Variants in CLSTN2 observed in about 807,000 individuals in gnomAD.
CLSTN2 encodes calsyntenin 2.
Under a neutral mutation model 101.2 loss-of-function variants are expected in CLSTN2, and 48 were observed. The ratio of observed to expected loss-of-function variants is 0.47; its 90% CI spans 0.38 to 0.60. The LOEUF (loss-of-function observed/expected upper bound fraction) is 0.60. Ranked by LOEUF, CLSTN2 falls within the 20% of genes least tolerant of loss-of-function variation. The pLI is 0.00. For synonymous variants in CLSTN2, 481 were observed against 463.6 expected, an observed-to-expected ratio of 1.04 and a Z score of -0.48; for missense variants, 1,160 against 1,238.2, an observed-to-expected ratio of 0.94 and a Z score of 0.95.
intron 2 of CLSTN2, among the ~76,000 whole-genome samples, chr3:140,298,218 C>T (rs1204258247): frequency 6.6e-6 from 1 of 152,136 alleles, no homozygotes; most frequent in Non-Finnish European, 1.5e-5. Context: ...TGATTTTGGC[C>T]AAATCACTTA....
At chr3:140,478,555 A>T (rs1934038402) in intron 8 of CLSTN2, among the ~76,000 whole-genome samples, 1 of 152,230 alleles carries the variant, frequency 6.6e-6, no homozygotes, top group Non-Finnish European at 1.5e-5. Context: ...GACAGAAAGC[A>T]GATTAGTGGT....
At chr3:140,554,924 A>C (rs894274707) in intron 10 of CLSTN2, among the ~76,000 whole-genome samples, 1 of 152,244 alleles carries the variant, frequency 6.6e-6, no homozygotes, top group African/African-American at 2.4e-5. Flanking sequence ...AAAAAAATGG[A>C]AATCTATATT....
intron 2 of CLSTN2, among the ~76,000 whole-genome samples, chr3:140,281,343 T>A (rs1281258172): frequency 1.3e-5 from 2 of 152,186 alleles, no homozygotes; most frequent in Non-Finnish European, 2.9e-5. Context: ...CTCATGGACT[T>A]TGAGGCTCTT....
intron 5 of CLSTN2, among the ~76,000 whole-genome samples, chr3:140,444,465 T>A (rs7611867): frequency 0.34 from 51,143 of 151,230 alleles, 10,471 homozygotes; most frequent in Middle Eastern, 0.48. Context: ...CTTGGGCAAG[T>A]CACACCAATT....
intron 1 of CLSTN2, among the ~76,000 whole-genome samples, chr3:139,949,761 G>A (rs537064743): frequency 1.3e-5 from 2 of 152,304 alleles, no homozygotes; most frequent in African/African-American, 2.4e-5. Context: ...TGAGAATTTG[G>A]TTGTAACCAT....
intron 2 of CLSTN2, among the ~76,000 whole-genome samples, chr3:140,231,024 A>G (rs192394136): frequency 1.2e-3 from 190 of 152,328 alleles, no homozygotes; most frequent in African/African-American, 4.4e-3. Flanking sequence ...GAAAATAATT[A>G]TCTGATTATA....
chr3:140,458,465 G>A (rs1933471788), intron 6 of CLSTN2, among the ~76,000 whole-genome samples: 1 of 152,118 alleles, frequency 6.6e-6, no homozygotes, highest in Non-Finnish European at 1.5e-5. Context: ...GTATAGAACA[G>A]AAGGATGGAA....
intron 5 of CLSTN2, among the ~76,000 whole-genome samples, chr3:140,430,556 T>C (rs1215904336): frequency 6.6e-6 from 1 of 151,318 alleles, no homozygotes; most frequent in Non-Finnish European, 1.5e-5. Flanking sequence ...GCCGAGTCGT[T>C]TCAATAGATT....
In CLSTN2 at chr3:140,566,550, G is replaced by T; in HGVS notation, c.*297G>T. 1 of 413,796 alleles carries T rather than the reference G, an allele frequency of 2.4e-6. No individual in the cohort carries two copies. The highest frequency in any genetic ancestry group is 4.5e-6 in the Non-Finnish European group (1 of 224,006). 25.6% of individuals were successfully genotyped at this position (413,796 alleles called of 1,614,324 possible). A position where few individuals can be genotyped will look rare whatever the true frequency, so the allele number is the denominator to read the frequency against. On this transcript the variant is annotated 3_prime_UTR_variant, in exon 17 of 17. Transcript: ENST00000458420. ...CTACCTGTCTGCAGAGTTTGCCTTT[G>T]TTTTTTCCTGCAGGGAAGAAGGCCC...
At chr3:140,319,471 A>C (rs1348783357) in intron 2 of CLSTN2, among the ~76,000 whole-genome samples, 1 of 152,226 alleles carries the variant, frequency 6.6e-6, no homozygotes, top group African/African-American at 2.4e-5. Context: ...TGTCTGAGCC[A>C]TGGTCATGAA....
intron 2 of CLSTN2, among the ~76,000 whole-genome samples, chr3:140,190,701 T>C (rs1005504942): frequency 6.6e-6 from 1 of 152,188 alleles, no homozygotes. Context: ...GTATTTTTAA[T>C]TGTGTTGTAT....
chr3:140,027,083 A>G (rs1390527683), intron 1 of CLSTN2, among the ~76,000 whole-genome samples: 1 of 152,200 alleles, frequency 6.6e-6, no homozygotes, highest in African/African-American at 2.4e-5. Context: ...ACCTTTGATC[A>G]TATCAGCCCT....
chr3:140,131,047 T>C (rs1260530772), intron 1 of CLSTN2, among the ~76,000 whole-genome samples: 2 of 152,152 alleles, frequency 1.3e-5, no homozygotes, highest in African/African-American at 4.8e-5. Flanking sequence ...AGATTGAAGA[T>C]GATCCTTCAA....
chr3:140,487,457 C>T (rs1934261556), intron 8 of CLSTN2, among the ~76,000 whole-genome samples: 1 of 152,186 alleles, frequency 6.6e-6, no homozygotes, highest in Non-Finnish European at 1.5e-5. Flanking sequence ...ATAGTTTGAC[C>T]TCCCCTTCTC....
intron 1 of CLSTN2, among the ~76,000 whole-genome samples, chr3:140,168,999 A>G (rs1328901261): frequency 2.0e-5 from 3 of 151,986 alleles, no homozygotes; most frequent in Non-Finnish European, 4.4e-5. Context: ...TTATATGTAC[A>G]TCTTAGAGTT....
intron 2 of CLSTN2, among the ~76,000 whole-genome samples, chr3:140,319,094 TCA>T (rs1406822244): frequency 6.6e-6 from 1 of 152,208 alleles, no homozygotes; most frequent in African/African-American, 2.4e-5. Context: ...CTCTTAATCC[TCA>T]GTTTCTTGAT....
intron 1 of CLSTN2, among the ~76,000 whole-genome samples, chr3:139,936,681 T>C (rs2076109016): frequency 6.6e-6 from 1 of 152,102 alleles, no homozygotes; most frequent in Non-Finnish European, 1.5e-5. Flanking sequence ...CTCTTGGAGG[T>C]TGGGGAGAGC....
At chr3:140,304,309 C>T (rs1177393621) in intron 2 of CLSTN2, among the ~76,000 whole-genome samples, 1 of 152,158 alleles carries the variant, frequency 6.6e-6, no homozygotes, top group Non-Finnish European at 1.5e-5. Flanking sequence ...GTTGGACAGC[C>T]ATAACAAAAT....
At chr3:140,455,249 C>A (rs999046084) in intron 6 of CLSTN2, among the ~76,000 whole-genome samples, 12 of 152,216 alleles carry the variant, frequency 7.9e-5, no homozygotes, top group Admixed American at 7.9e-4. Context: ...CTTATCCCTG[C>A]CCTTTCTCAT....
Sources: allele counts gnomAD v4.1 joint callset (sites outside exome capture counted in the v4.1 genomes callset), GRCh38; gene constraint gnomAD v4.1.1; transcripts MANE v1.5; gene names NCBI Gene and HGNC (gene_info 2026-07-23, HGNC 2026-07-21).